IQSEC2: variants seen among roughly 807,000 people sequenced by gnomAD.
The protein encoded by IQSEC2 is IQ motif and Sec7 domain ArfGEF 2.
In IQSEC2, 6 loss-of-function variants were observed where a neutral mutation model predicts 74.6. The observed-to-expected ratio is 0.08, with a 90% CI of 0.04 to 0.16. The LOEUF (loss-of-function observed/expected upper bound fraction) is 0.16. Among genes scored for constraint, IQSEC2 ranks in the 10% least tolerant of loss-of-function variants. The pLI is 1.00. For missense variants in IQSEC2, 734 were observed against 1,306.2 expected (o/e 0.56, Z 6.75); for synonymous variants, 494 against 544.5 (o/e 0.91, Z 1.29).
intron 9 of IQSEC2, among the ~76,000 whole-genome samples, chrX:53,242,584 T>C (rs2074241130): frequency 9.0e-6 from 1 of 111,467 alleles, no homozygotes; most frequent in Non-Finnish European, 1.9e-5. Context: ...TGTGTCTTTG[T>C]TTCACACCCC....
At chrX:53,280,960 G>C (rs999942188) in intron 2 of IQSEC2, among the ~76,000 whole-genome samples, 1 of 112,627 alleles carries the variant, frequency 8.9e-6, no homozygotes, top group Non-Finnish European at 1.9e-5. Flanking sequence ...AGGAGACATG[G>C]CTGCGGGCCA....
At chrX:53,236,588 T>TCCTCCTC (rs1556859780) in intron 12 of IQSEC2, 93 bp from the exon 13 acceptor site, 14 of 917,757 alleles carry the variant, frequency 1.5e-5, no homozygotes, top group African/African-American at 1.9e-5. Flanking sequence ...CCATTCTCCT[T>TCCTCCTC]CCTCCTCCCT....
At chrX:53,258,844 AAAAC>A (rs1293862735) in intron 2 of IQSEC2, among the ~76,000 whole-genome samples, 34 of 86,445 alleles carry the variant, frequency 3.9e-4, no homozygotes, top group South Asian at 2.1e-3. Context: ...ACTCCGTCTA[AAAAC>A]AAACAAACAA....
At chrX:53,274,607 G>A (rs1371559639) in intron 2 of IQSEC2, among the ~76,000 whole-genome samples, 8 of 107,008 alleles carry the variant, frequency 7.5e-5, no homozygotes, top group African/African-American at 2.7e-4. Flanking sequence ...GACTACACGC[G>A]CCCGCCACCA....
intron 2 of IQSEC2, among the ~76,000 whole-genome samples, chrX:53,288,134 T>G (rs2075051814): frequency 9.0e-6 from 1 of 111,660 alleles, no homozygotes; most frequent in East Asian, 2.8e-4. Context: ...TGGGAGGTGA[T>G]GCAGCTGGAT....
rs190541815 is a variant in IQSEC2 at position 53,318,521 on chromosome X, G to C, written c.707+1896C>G. ...GTCATGGAATCCCATAACTGGGGAC[G>C]ACCCAGGTCATTTCACTGGGCTTTC... On this transcript the variant is annotated intron_variant, in intron 1 of 14. Coordinates refer to ENST00000642864, the MANE Select transcript of IQSEC2 (RefSeq NM_001111125.3). Among the ~76,000 whole-genome samples the C allele has an allele frequency of 1.3e-3, 150 of 111,944 alleles. 1 individual carries two copies. The highest frequency in any genetic ancestry group is 4.5e-3 in the African/African-American group (139 of 30,784).
chrX:53,309,580 C>A (rs1239631090), intron 1 of IQSEC2, among the ~76,000 whole-genome samples: 1 of 111,527 alleles, frequency 9.0e-6, no homozygotes, highest in Non-Finnish European at 1.9e-5. Context: ...CCTAACTAAC[C>A]CCTTGGTTCC....
At chrX:53,304,286 A>G (rs60032293) in intron 1 of IQSEC2, among the ~76,000 whole-genome samples, 8,322 of 112,018 alleles carry the variant, frequency 0.074, 603 homozygotes, top group African/African-American at 0.22. Flanking sequence ...TTATTTAAAA[A>G]GAAGAAATAG....
rs1219593231 is a variant in IQSEC2 at position 53,233,629 on chromosome X, A to G, written c.*590T>C. On this transcript the variant is annotated 3_prime_UTR_variant, in exon 15 of 15. Coordinates refer to ENST00000642864, the MANE Select transcript of IQSEC2 (RefSeq NM_001111125.3). ...AAGCACTGCCCCACGTGGGGCCAAC[A>G]CAAGCAGGGTCCCACCCACCAAGTG... is the stretch of plus-strand genomic sequence containing the variant. 4.0e-6 allele frequency: 1 copy of G among 252,465 alleles called. No homozygotes were observed. Among genetic ancestry groups the G allele is most frequent in the Non-Finnish European group, 7.0e-6 (1 of 142,593 alleles). The allele number at this position is 252,465 out of a possible 1,213,427, so 20.8% of individuals were successfully genotyped here. A position where few individuals can be genotyped will look rare whatever the true frequency, so the allele number is the denominator to read the frequency against.
intron 1 of IQSEC2, among the ~76,000 whole-genome samples, chrX:53,294,425 ACCT>A (rs2075131410): frequency 8.9e-6 from 1 of 111,923 alleles, no homozygotes; most frequent in Non-Finnish European, 1.9e-5. Flanking sequence ...GCTATCCTAC[ACCT>A]CCTCAGAGGC....
chrX:53,289,082 G>A (rs2075063658), intron 2 of IQSEC2, among the ~76,000 whole-genome samples: 1 of 97,357 alleles, frequency 1.0e-5, no homozygotes, highest in Non-Finnish European at 1.9e-5. Context: ...TACCGACTCT[G>A]CTCTCTCCTT....
chrX:53,280,971 G>C lies in IQSEC2; in HGVS notation c.737+10924C>G, dbSNP rs1382415852. Among the ~76,000 whole-genome samples, 6 of 112,603 alleles carry C rather than the reference G, an allele frequency of 5.3e-5. No individual in the cohort carries two copies. The Admixed American group carries it at 5.6e-4, about 10-fold the overall frequency. Reference sequence around the variant, plus strand: ...AGCCAGGAGACATGGCTGCGGGCCAGGCCAGCTGCGAATTTGAGGATGTCC... The same window carrying C: ...AGCCAGGAGACATGGCTGCGGGCCACGCCAGCTGCGAATTTGAGGATGTCC... On this transcript the variant is annotated intron_variant, in intron 2 of 14. Coordinates refer to ENST00000642864, the MANE Select transcript of IQSEC2 (RefSeq NM_001111125.3).
intron 2 of IQSEC2, among the ~76,000 whole-genome samples, chrX:53,280,587 T>C (rs1218897470): frequency 6.4e-5 from 7 of 109,370 alleles, no homozygotes; most frequent in Non-Finnish European, 1.1e-4. Flanking sequence ...GGTAGGAGTC[T>C]TTTGCTTTGA....
chrX:53,253,107 G>A (rs1433167087), intron 4 of IQSEC2, among the ~76,000 whole-genome samples: 1 of 112,377 alleles, frequency 8.9e-6, no homozygotes, highest in Non-Finnish European at 1.9e-5. Flanking sequence ...TGCCCAGGCT[G>A]ATGGCAAGGC....
intron 1 of IQSEC2, among the ~76,000 whole-genome samples, chrX:53,315,033 T>A (rs1379132535): frequency 8.9e-6 from 1 of 111,862 alleles, no homozygotes; most frequent in Non-Finnish European, 1.9e-5. Context: ...CTGGGCTCCA[T>A]CTGCCTGAAT....
intron 2 of IQSEC2, among the ~76,000 whole-genome samples, chrX:53,287,982 CCATTTGG>C (rs2075050050): frequency 8.9e-6 from 1 of 112,299 alleles, no homozygotes; most frequent in African/African-American, 3.2e-5. Context: ...CATCACGCTC[CCATTTGG>C]GCTGGCCCGA....
intron 1 of IQSEC2, among the ~76,000 whole-genome samples, chrX:53,312,197 A>T (rs2075329086): frequency 9.0e-6 from 1 of 110,831 alleles, no homozygotes; most frequent in Non-Finnish European, 1.9e-5. Context: ...ACCAACCCAC[A>T]TGCTGTCCTT....
chrX:53,267,719 G>C lies in IQSEC2; in HGVS notation c.738-11658C>G, dbSNP rs914627400. Among the ~76,000 whole-genome samples the C allele has an allele frequency of 6.3e-5, 7 of 111,800 alleles. No homozygotes were observed. In the Admixed American group the frequency reaches 6.7e-4, roughly 11 times the overall value. ...CAGCTTTGGAAGCAAACAGACCTGG[G>C]TTCAAATCCCAGCTCTACAAGTGGT... On this transcript the variant is annotated intron_variant, in intron 2 of 14. Transcript: ENST00000642864.
At chrX:53,287,307 CTT>C (rs1213925384) in intron 2 of IQSEC2, among the ~76,000 whole-genome samples, 7 of 112,418 alleles carry the variant, frequency 6.2e-5, no homozygotes, top group African/African-American at 2.3e-4. Flanking sequence ...ATAAAGAACA[CTT>C]AGGTAGAGAG....
Sources: gnomAD v4.1 joint callset for allele counts (sites outside exome capture counted in the v4.1 genomes callset) on GRCh38, gnomAD v4.1.1 for gene constraint, MANE v1.5 for transcripts, NCBI Gene and HGNC (gene_info 2026-07-23, HGNC 2026-07-21) for gene names.